Variants in PTPRD observed in about 807,000 individuals in gnomAD.
PTPRD encodes the protein protein tyrosine phosphatase receptor type D.
Under a neutral mutation model 214.5 loss-of-function variants are expected in PTPRD, and 34 were observed. The observed-to-expected ratio is 0.16, with a 90% CI of 0.12 to 0.21. PTPRD has a LOEUF of 0.21. Ranked by LOEUF, PTPRD falls within the 10% of genes least tolerant of loss-of-function variation. PTPRD has a pLI of 1.00. For synonymous variants in PTPRD, 1,128 were observed against 845.7 expected, an observed-to-expected ratio of 1.33 and a Z score of -5.79; for missense variants, 2,545 against 2,398.7, an observed-to-expected ratio of 1.06 and a Z score of -1.27.
chr9:10,048,471 A>G (rs1168985925), intron 3 of PTPRD, among the ~76,000 whole-genome samples: 3 of 152,096 alleles, frequency 2.0e-5, no homozygotes, highest in African/African-American at 7.2e-5. Flanking sequence ...ATCTGGATTC[A>G]TTCCAGCTGT....
intron 11 of PTPRD, among the ~76,000 whole-genome samples, chr9:8,833,305 C>A (rs1486795952): frequency 6.6e-6 from 1 of 152,050 alleles, no homozygotes; most frequent in Non-Finnish European, 1.5e-5. Flanking sequence ...TTTGAAACAT[C>A]TTCAGGATGT....
chr9:10,597,712 C>T (rs1045410657), intron 2 of PTPRD, among the ~76,000 whole-genome samples: 2 of 151,850 alleles, frequency 1.3e-5, no homozygotes, highest in African/African-American at 2.4e-5. Context: ...GGAATATCGG[C>T]TGTAATTAGA....
chr9:10,559,256 T>C (rs2131434606), intron 2 of PTPRD, among the ~76,000 whole-genome samples: 1 of 152,268 alleles, frequency 6.6e-6, no homozygotes, highest in East Asian at 1.9e-4. Context: ...TTGCAGGGGT[T>C]ATACAAGTCC....
At chr9:10,297,541 C>T (rs943512673) in intron 3 of PTPRD, among the ~76,000 whole-genome samples, 8 of 149,644 alleles carry the variant, frequency 5.3e-5, no homozygotes, top group Admixed American at 2.7e-4. Context: ...AACAGTGATG[C>T]TTAGAGTTTA....
At chr9:10,399,993 A>T (rs1350954136) in intron 2 of PTPRD, among the ~76,000 whole-genome samples, 1 of 151,870 alleles carries the variant, frequency 6.6e-6, no homozygotes, top group African/African-American at 2.4e-5. Context: ...GTAACATCAG[A>T]TTTTTATTTC....
At chr9:9,469,247 T>C (rs1287717217) in intron 8 of PTPRD, among the ~76,000 whole-genome samples, 2 of 152,154 alleles carry the variant, frequency 1.3e-5, no homozygotes, top group African/African-American at 4.8e-5. Flanking sequence ...CTTTTTACTT[T>C]TGTAAATGCA....
At chr9:8,602,150 A>G (rs1214816916) in intron 14 of PTPRD, among the ~76,000 whole-genome samples, 1 of 152,194 alleles carries the variant, frequency 6.6e-6, no homozygotes, top group Non-Finnish European at 1.5e-5. Flanking sequence ...TGTCCAATAA[A>G]CTGGTGAAAG....
rs371149371 is a variant in PTPRD, at chr9:9,871,692, G to A, written c.-368+66815C>T. ...AAGGGGCCTGGGAGAAGAAGTGCAG[G>A]GGCAGAGGGTATGCAACCTAACCTC... is the stretch of plus-strand genomic sequence containing the variant. On this transcript the variant is annotated intron_variant, in intron 5 of 45. Coordinates refer to ENST00000381196, the MANE Select transcript of PTPRD (RefSeq NM_002839.4). 1.1e-4 allele frequency among the ~76,000 whole-genome samples: 16 copies of A among 150,904 alleles called. No individual in the cohort carries two copies. In the East Asian group the frequency reaches 2.8e-3, roughly 26 times the overall value.
chr9:9,777,888 C>G (rs1597507392), intron 5 of PTPRD, among the ~76,000 whole-genome samples: 1 of 151,896 alleles, frequency 6.6e-6, no homozygotes, highest in East Asian at 1.9e-4. Context: ...ACACAATTAC[C>G]CCAAATGGGT....
At chr9:10,373,528 G>A (rs1000116882) in intron 2 of PTPRD, among the ~76,000 whole-genome samples, 1 of 152,036 alleles carries the variant, frequency 6.6e-6, no homozygotes, top group African/African-American at 2.4e-5. Flanking sequence ...TAAGTAGCTA[G>A]AACTGGACAC....
At chr9:10,133,280 G>C in intron 3 of PTPRD, among the ~76,000 whole-genome samples, 1 of 152,080 alleles carries the variant, frequency 6.6e-6, no homozygotes, top group African/African-American at 2.4e-5. Flanking sequence ...CTAAGCAAAT[G>C]TCAGAAAGAA....
At chr9:9,550,305 C>T (rs2079874104) in intron 8 of PTPRD, among the ~76,000 whole-genome samples, 1 of 151,520 alleles carries the variant, frequency 6.6e-6, no homozygotes, top group South Asian at 2.1e-4. Context: ...CTCCTGCAAT[C>T]ACATAAACCA....
At chr9:9,821,356 T>TG (rs2050666890) in intron 5 of PTPRD, among the ~76,000 whole-genome samples, 1 of 152,178 alleles carries the variant, frequency 6.6e-6, no homozygotes, top group East Asian at 1.9e-4. Flanking sequence ...TTGGGGTATG[T>TG]GGTAGGGTGG....
chr9:9,923,900 G>A (rs1292408202), intron 5 of PTPRD, among the ~76,000 whole-genome samples: 2 of 151,968 alleles, frequency 1.3e-5, no homozygotes, highest in Non-Finnish European at 2.9e-5. Context: ...AAGACAGGGA[G>A]TCTTAGAGAG....
At chr9:9,699,724 C>T (rs189428678) in intron 7 of PTPRD, among the ~76,000 whole-genome samples, 13 of 152,180 alleles carry the variant, frequency 8.5e-5, no homozygotes, top group African/African-American at 3.1e-4. Flanking sequence ...GAAGAGGGAC[C>T]GTTAAAGTTT....
At position 9,791,101 on chromosome 9, in the gene PTPRD, G is replaced by T. The variant is rs536763994; in HGVS notation, c.-367-24250C>A. ...TCTACTCTAGTAAAATTTTGTTACA[G>T]ATTTTTTTTAGGAACTATAAAATAT... On this transcript the variant is annotated intron_variant, in intron 5 of 45. Transcript: ENST00000381196. Among the ~76,000 whole-genome samples the T allele has an allele frequency of 2.6e-5, 4 of 152,034 alleles. No homozygotes were observed. In the East Asian group the frequency reaches 7.7e-4, roughly 29 times the overall value.
In PTPRD at chr9:8,316,010, C is replaced by CAATG; in HGVS notation, c.*1860_*1863dup. The CAATG allele has an allele frequency of 4.4e-6, 1 of 227,780 alleles. No individual in the cohort carries two copies. Among genetic ancestry groups the CAATG allele is most frequent in the Non-Finnish European group, 8.7e-6 (1 of 114,496 alleles). The allele number at this position is 227,780 out of a possible 1,614,324, so 14.1% of individuals were successfully genotyped here. On this transcript the variant is annotated 3_prime_UTR_variant, in exon 46 of 46. Coordinates refer to ENST00000381196, the MANE Select transcript of PTPRD (RefSeq NM_002839.4). Reference sequence around the variant, plus strand: ...AATATCAAATATATTCCAAAGTTGCCAATGATATTTGTTACTAAAATAAGT... The same window carrying CAATG: ...AATATCAAATATATTCCAAAGTTGCCAATGAATGATATTTGTTACTAAAATAAGT...
intron 2 of PTPRD, among the ~76,000 whole-genome samples, chr9:10,397,490 G>A (rs2098193092): frequency 6.6e-6 from 1 of 151,890 alleles, no homozygotes; most frequent in Non-Finnish European, 1.5e-5. Context: ...AATAATAGTG[G>A]ACTAATCATA....
chr9:10,185,639 G>T lies in PTPRD; in HGVS notation c.-544-151849C>A, dbSNP rs116226857. On this transcript the variant is annotated intron_variant, in intron 3 of 45. Coordinates refer to ENST00000381196, the MANE Select transcript of PTPRD (RefSeq NM_002839.4). Reference sequence around the variant, plus strand: ...CAACGGTTAGAACACAGGCTAATTTGACTCTAAGACCTGTGCTTTTTAAAT... The same window carrying T: ...CAACGGTTAGAACACAGGCTAATTTTACTCTAAGACCTGTGCTTTTTAAAT... Among the ~76,000 whole-genome samples, 823 of 152,206 alleles carry T rather than the reference G, an allele frequency of 5.4e-3. 1 individual carries two copies. The highest frequency in any genetic ancestry group is 7.8e-3 in the African/African-American group (325 of 41,544).
Sources: gnomAD v4.1 joint callset for allele counts (sites outside exome capture counted in the v4.1 genomes callset) on GRCh38, gnomAD v4.1.1 for gene constraint, MANE v1.5 for transcripts, NCBI Gene and HGNC (gene_info 2026-07-23, HGNC 2026-07-21) for gene names.